ROS1: variants seen among roughly 807,000 people sequenced by gnomAD.
ROS1 encodes the protein ROS proto-oncogene 1, receptor tyrosine kinase.
In ROS1, 263 loss-of-function variants were observed where a neutral mutation model predicts 273.5. That is an observed-to-expected ratio of 0.96 (90% CI 0.87 to 1.06). The LOEUF (loss-of-function observed/expected upper bound fraction) is 1.06, where lower values mean the gene tolerates loss of function less well. Ranked by LOEUF, ROS1 falls within the 50% of genes least tolerant of loss-of-function variation. The probability of loss-of-function intolerance (pLI) is 0.00; values close to 1 mark genes in which losing one functional copy is unlikely to be tolerated. For synonymous variants in ROS1, 1,008 were observed against 954.1 expected (o/e 1.06, Z -1.04); for missense variants, 2,833 against 2,751.1 (o/e 1.03, Z -0.67).
In ROS1 at chr6:117,379,074, A is replaced by C; in HGVS notation, c.2567T>G (p.Val856Gly). ...CTCTACTTACCTCTGTCCCCGAAGAACAGCTGTGTACAGGTGAATACATTG... is the reference window on the plus strand; with the variant it reads ...CTCTACTTACCTCTGTCCCCGAAGACCAGCTGTGTACAGGTGAATACATTG... ...DSQCIHLYTA[V>G]LRGQSTGDTT... Residue 856 changes from valine to glycine, a missense_variant, in exon 18 of 44, where the codon GTT becomes GGT. Coordinates refer to ENST00000368507, the MANE Select transcript of ROS1 (RefSeq NM_001378902.1). 6.2e-7 allele frequency: 1 copy of C among 1,609,134 alleles called. No individual in the cohort carries two copies. Among genetic ancestry groups the C allele is most frequent in the Non-Finnish European group, 8.5e-7 (1 of 1,176,472 alleles).
rs551479458 is a variant in ROS1 at position 117,317,092 on chromosome 6, T to G, written c.6117+51A>C. On this transcript the variant is annotated intron_variant, in intron 39 of 43. Transcript: ENST00000368507. ...AAATTTAAAGAAAATTAATAGGGAA[T>G]TATAGGGCATTTGCATTATGAAACC... The G allele has an allele frequency of 1.7e-3, 2,711 of 1,572,148 alleles. 60 individuals are homozygous for G. In the South Asian group the frequency reaches 0.031, roughly 18 times the overall value.
chr6:117,306,263 C>T (rs192788993), intron 42 of ROS1, among the ~76,000 whole-genome samples: 10 of 151,928 alleles, frequency 6.6e-5, no homozygotes, highest in Non-Finnish European at 1.2e-4. Flanking sequence ...TGGAGAGATC[C>T]GATTAGTATC....
At chr6:117,417,777 C>T (rs1439263034) in intron 2 of ROS1, among the ~76,000 whole-genome samples, 1 of 152,178 alleles carries the variant, frequency 6.6e-6, no homozygotes, top group Non-Finnish European at 1.5e-5. Context: ...CTTCTCTGAT[C>T]GATAGGCTTT....
chr6:117,319,883 G>C lies in ROS1; in HGVS notation c.5907C>G (p.Ile1969Met), dbSNP rs146653150. Residue 1969 changes from isoleucine (I) to methionine (M), a missense_variant, in exon 37 of 44, where the codon ATC becomes ATG. Coordinates refer to ENST00000368507, the MANE Select transcript of ROS1 (RefSeq NM_001378902.1). ...TTCACATTACCTTCACTGCTACTTT[G>C]ATTTCTCCACTTCCAACTCCTAAGA... ...VDILGVGSGE[I>M]KVAVKTLKKG... 6.2e-7 allele frequency: 1 copy of C among 1,613,026 alleles called. No homozygotes were observed. The highest frequency in any genetic ancestry group is 8.5e-7 in the Non-Finnish European group (1 of 1,179,306).
At chr6:117,364,971 G>T in intron 21 of ROS1, 89 bp downstream of exon 21, 1 of 1,327,026 alleles carries the variant, frequency 7.5e-7, no homozygotes, top group Non-Finnish European at 1.1e-6. Context: ...AAAACTGAAA[G>T]TTATTTTTAA....
rs577258989 is a variant in ROS1, at chr6:117,347,203, A to T, written c.4304-2941T>A. Among the ~76,000 whole-genome samples, 79 of 152,162 alleles carry T rather than the reference A, an allele frequency of 5.2e-4. 1 individual carries two copies. Among genetic ancestry groups the T allele is most frequent in the Non-Finnish European group, 3.1e-4 (21 of 67,998 alleles). On this transcript the variant is annotated intron_variant, in intron 27 of 43. Transcript: ENST00000368507. Reference sequence around the variant, plus strand: ...TGAGTCTTCCTATCTATGACATGGAATATCTCTATACTTATTTAGCACTTT... The same window carrying T: ...TGAGTCTTCCTATCTATGACATGGATTATCTCTATACTTATTTAGCACTTT...
Position 117,296,450 on chromosome 6 carries a change from A to G in ROS1, c.6715+4524T>C, listed in dbSNP as rs115806549. 2.5e-3 allele frequency among the ~76,000 whole-genome samples: 376 copies of G among 152,294 alleles called. 4 individuals carry two copies. In the Middle Eastern group the frequency reaches 0.027, roughly 11 times the overall value. On this transcript the variant is annotated intron_variant, in intron 43 of 43. Coordinates refer to ENST00000368507, the MANE Select transcript of ROS1 (RefSeq NM_001378902.1). ...AGAAAATGTGGTATATGCATATAGT[A>G]CAGTGGAGTACTATTCAGCTATAAA...
chr6:117,364,105 A>C (rs1304475681), intron 21 of ROS1, among the ~76,000 whole-genome samples: 1 of 152,132 alleles, frequency 6.6e-6, no homozygotes, highest in Non-Finnish European at 1.5e-5. Flanking sequence ...AGGACAATTC[A>C]ACCAAGCTGA....
At position 117,365,138 on chromosome 6, in the gene ROS1, A is replaced by G. The variant is rs1323268309; in HGVS notation, c.3025T>C (p.Phe1009Leu). 6.2e-7 allele frequency: 1 copy of G among 1,613,446 alleles called. No homozygotes were observed. Among genetic ancestry groups the G allele is most frequent in the Non-Finnish European group, 8.5e-7 (1 of 1,179,380 alleles). ...TVEGLEPYAL[F>L]NLSVTPYTYW... ...GTATAAGGAGTGACAGAAAGATTAA[A>G]TAAGGCATAAGGTTCCAGTCCTTCC... Residue 1009 changes from phenylalanine to leucine, a missense_variant, in exon 21 of 44, where the codon TTT (phenylalanine) becomes CTT (leucine). Physicochemically the swap from Phe to Leu is conservative, Grantham distance 22 (BLOSUM62 0). Transcript: ENST00000368507.
At chr6:117,303,207 G>A (rs1475801057) in intron 42 of ROS1, among the ~76,000 whole-genome samples, 1 of 152,158 alleles carries the variant, frequency 6.6e-6, no homozygotes, top group African/African-American at 2.4e-5. Context: ...GGCAGATCAG[G>A]ATCAGGGAGA....
rs1162487585 is a variant in ROS1 at position 117,288,637 on chromosome 6, C to T, written c.6881G>A (p.Cys2294Tyr). The change falls in exon 44 of 44, where the codon TGT becomes TAT. Residue 2294 changes from cysteine to tyrosine, a missense_variant. Transcript: ENST00000368507. ...TTCCTTCTCTTCTTTCCTCAGACCA[C>T]AAGATTCAGATTCCTGGGAGCCTAG... ...GPLGSQESES[C>Y]GLRKEEKEPH... The T allele has an allele frequency of 1.9e-6, 3 of 1,614,024 alleles. No individual in the cohort carries two copies. The East Asian group carries it at 6.7e-5, about 36-fold the overall frequency.
chr6:117,320,466 T>C (rs1776216589), intron 36 of ROS1, among the ~76,000 whole-genome samples: 1 of 152,150 alleles, frequency 6.6e-6, no homozygotes, highest in South Asian at 2.1e-4. Flanking sequence ...CAAAATTTAC[T>C]ATGACCAAAA....
At chr6:117,413,481 A>C (rs1023711241) in intron 4 of ROS1, among the ~76,000 whole-genome samples, 3 of 152,046 alleles carry the variant, frequency 2.0e-5, no homozygotes, top group African/African-American at 7.2e-5. Context: ...GATGAAATAC[A>C]GGACAGGTAA....
At chr6:117,310,028 C>G (rs1775415011) in intron 41 of ROS1, 53 bp downstream of exon 41, 1 of 1,454,830 alleles carries the variant, frequency 6.9e-7, no homozygotes, top group African/African-American at 1.4e-5. Context: ...TTTAAAATCC[C>G]CTCTAATGTT....
At chr6:117,329,628 A>G (rs932508148) in intron 32 of ROS1, among the ~76,000 whole-genome samples, 182 bp from the exon 33 acceptor site, 3 of 152,108 alleles carry the variant, frequency 2.0e-5, no homozygotes, top group Non-Finnish European at 4.4e-5. Flanking sequence ...AACCATAATA[A>G]GTGTGTGAGT....
chr6:117,311,886 T>C (rs1775576711), intron 39 of ROS1, among the ~76,000 whole-genome samples: 1 of 152,122 alleles, frequency 6.6e-6, no homozygotes, highest in Non-Finnish European at 1.5e-5. Flanking sequence ...CCCTTTCCAT[T>C]GTCCTGCAAT....
At chr6:117,421,233 A>AT (rs1480523080) in intron 1 of ROS1, among the ~76,000 whole-genome samples, 3 of 145,708 alleles carry the variant, frequency 2.1e-5, no homozygotes, top group African/African-American at 7.5e-5. Flanking sequence ...TATATATTAT[A>AT]TTGCAATATA....
At chr6:117,321,233 C>A (rs1282566044) in intron 36 of ROS1, 26 bp downstream of exon 36, 1 of 1,606,752 alleles carries the variant, frequency 6.2e-7, no homozygotes, top group Admixed American at 1.7e-5. Context: ...CCTAGGTGCT[C>A]CATAATGATG....
intron 43 of ROS1, among the ~76,000 whole-genome samples, chr6:117,299,204 G>C (rs1184783685): frequency 6.6e-6 from 1 of 152,254 alleles, no homozygotes; most frequent in Non-Finnish European, 1.5e-5. Context: ...TCGCTTGGCA[G>C]TTTGTGTTGA....
Sources: allele counts gnomAD v4.1 joint callset (sites outside exome capture counted in the v4.1 genomes callset), GRCh38; gene constraint gnomAD v4.1.1; transcripts MANE v1.5; gene names NCBI Gene and HGNC (gene_info 2026-07-23, HGNC 2026-07-21).